The following UBE2G1 variants were observed in gnomAD, a reference collection of about 807,000 sequenced individuals.
The protein encoded by UBE2G1 is ubiquitin conjugating enzyme E2 G1, also known as ubiquitin-conjugating enzyme E2 G1.
UBE2G1 carries 5 observed loss-of-function variants against 22.7 expected under a neutral mutation model. That is an observed-to-expected ratio of 0.22 (90% CI 0.12 to 0.46). The LOEUF is 0.46. UBE2G1 is among the 20% of genes least tolerant of loss of function. The pLI is 0.99. For missense variants in UBE2G1, 88 were observed against 203.9 expected, an observed-to-expected ratio of 0.43 and a Z score of 3.46; for synonymous variants, 74 against 67.5, an observed-to-expected ratio of 1.10 and a Z score of -0.47.
In UBE2G1 at chr17:4,286,054, G is replaced by A. The variant is rs556715847; in HGVS notation, c.427-3133C>T. ...ATAGGTACTGCAGACTGAGAGGTCA[G>A]AAAATCAATACTATGAAAATATGAT... On this transcript the variant is annotated intron_variant, in intron 4 of 5. Coordinates refer to ENST00000396981, the MANE Select transcript of UBE2G1 (RefSeq NM_003342.5). Among the ~76,000 whole-genome samples the A allele has an allele frequency of 5.9e-5, 9 of 152,078 alleles. No individual in the cohort carries two copies. The South Asian group carries it at 1.9e-3, about 32-fold the overall frequency.
At chr17:4,356,049 TAAAA>T (rs746982860) in intron 1 of UBE2G1, among the ~76,000 whole-genome samples, 24 of 99,084 alleles carry the variant, frequency 2.4e-4, no homozygotes, top group African/African-American at 8.5e-4. Context: ...TGTTTCACTT[TAAAA>T]AAAAAAAAAA....
At chr17:4,289,553 T>C in intron 3 of UBE2G1, 145 bp from the exon 4 acceptor site, 2 of 917,628 alleles carry the variant, frequency 2.2e-6, no homozygotes, top group Non-Finnish European at 3.1e-6. Context: ...ATGCAATGTG[T>C]TGACTTTTTA....
At chr17:4,362,254 G>T (rs748183473) in intron 1 of UBE2G1, among the ~76,000 whole-genome samples, 1 of 152,120 alleles carries the variant, frequency 6.6e-6, no homozygotes, top group African/African-American at 2.4e-5. Context: ...CTGATTTCAT[G>T]AATCTGTTAG....
intron 1 of UBE2G1, among the ~76,000 whole-genome samples, chr17:4,320,818 A>G (rs971036427): frequency 5.9e-5 from 9 of 152,162 alleles, no homozygotes; most frequent in African/African-American, 2.2e-4. Context: ...ATGGCCACTT[A>G]GCATAGTCTG....
At chr17:4,275,256 T>A (rs185982296) in intron 5 of UBE2G1, among the ~76,000 whole-genome samples, 1 of 152,334 alleles carries the variant, frequency 6.6e-6, no homozygotes, top group Non-Finnish European at 1.5e-5. Flanking sequence ...AGACAAGGCC[T>A]CAGTACAGAA....
chr17:4,336,367 C>A (rs529092300), intron 1 of UBE2G1, among the ~76,000 whole-genome samples: 119 of 152,112 alleles, frequency 7.8e-4, no homozygotes, highest in South Asian at 5.4e-3. Context: ...TAGATAAAAG[C>A]ATACATAGCA....
intron 1 of UBE2G1, among the ~76,000 whole-genome samples, chr17:4,347,039 G>A (rs779606112): frequency 1.6e-4 from 25 of 152,092 alleles, no homozygotes; most frequent in Non-Finnish European, 2.4e-4. Context: ...TGTAATCTCA[G>A]CCACTCAGGA....
Position 4,321,131 on chromosome 17 carries a change from T to C in UBE2G1, c.47-14008A>G, listed in dbSNP as rs115326799. On this transcript the variant is annotated intron_variant, in intron 1 of 5. Coordinates refer to ENST00000396981, the MANE Select transcript of UBE2G1 (RefSeq NM_003342.5). ...CACCATGGCACTCCAGCCTGAACAA[T>C]AGAGGAAGACCCCATCTTAAAAAAA... Among the ~76,000 whole-genome samples the C allele has an allele frequency of 3.0e-3, 458 of 152,014 alleles. 2 individuals are homozygous for C. The highest frequency in any genetic ancestry group is 0.01 in the African/African-American group (418 of 41,466).
intron 5 of UBE2G1, among the ~76,000 whole-genome samples, chr17:4,276,193 C>G (rs972180219): frequency 6.6e-6 from 1 of 152,082 alleles, no homozygotes; most frequent in Non-Finnish European, 1.5e-5. Flanking sequence ...CTGAAGCCCC[C>G]CCGCCCTTTT....
chr17:4,298,342 GA>G (rs1002247433), intron 2 of UBE2G1, among the ~76,000 whole-genome samples: 2 of 152,068 alleles, frequency 1.3e-5, no homozygotes, highest in Non-Finnish European at 2.9e-5. Flanking sequence ...AAGAACAAGT[GA>G]AAAATTGGGG....
chr17:4,295,867 G>A (rs1056540770), intron 3 of UBE2G1, among the ~76,000 whole-genome samples: 1 of 149,436 alleles, frequency 6.7e-6, no homozygotes, highest in African/African-American at 2.5e-5. Flanking sequence ...CTGCCACCGT[G>A]TGGATTTGAA....
intron 1 of UBE2G1, among the ~76,000 whole-genome samples, chr17:4,317,939 CT>C (rs1969395909): frequency 6.6e-6 from 1 of 152,168 alleles, no homozygotes; most frequent in Non-Finnish European, 1.5e-5. Flanking sequence ...TTGATCTCGC[CT>C]ATTTTATAGA....
chr17:4,323,569 T>G, intron 1 of UBE2G1, among the ~76,000 whole-genome samples: 1 of 152,228 alleles, frequency 6.6e-6, no homozygotes, highest in East Asian at 1.9e-4. Flanking sequence ...CTAAGGAGAC[T>G]GGGCTGAGAG....
intron 4 of UBE2G1, among the ~76,000 whole-genome samples, chr17:4,284,838 C>CTTTT (rs1176508350): frequency 2.7e-4 from 6 of 22,314 alleles, no homozygotes; most frequent in African/African-American, 5.6e-4. Flanking sequence ...TCTTTTCTTT[C>CTTTT]TTTTTTTTTT....
rs1228919726 is a variant in UBE2G1 at position 4,291,345 on chromosome 17, C to T, written c.248-1937G>A. 3.8e-5 allele frequency among the ~76,000 whole-genome samples: 4 copies of T among 104,782 alleles called. No individual in the cohort carries two copies. In the East Asian group the frequency reaches 1.1e-3, roughly 28 times the overall value. The allele number at this position is 104,782 out of a possible 152,430, so 68.7% of individuals were successfully genotyped here. Reference sequence around the variant, plus strand: ...ACTGCAGTCTAGCCTGGGCAACGGGCGAAACTCCATCTCAAAAAAAAAAAA... The same window carrying T: ...ACTGCAGTCTAGCCTGGGCAACGGGTGAAACTCCATCTCAAAAAAAAAAAA... On this transcript the variant is annotated intron_variant, in intron 3 of 5. Transcript: ENST00000396981.
chr17:4,347,085 G>A (rs1377735818), intron 1 of UBE2G1, among the ~76,000 whole-genome samples: 5 of 151,958 alleles, frequency 3.3e-5, no homozygotes, highest in African/African-American at 9.7e-5. Context: ...CCCAGGAGGC[G>A]GAGGTTGCAG....
At chr17:4,284,356 T>C (rs1020100346) in intron 4 of UBE2G1, among the ~76,000 whole-genome samples, 3 of 151,910 alleles carry the variant, frequency 2.0e-5, no homozygotes, top group African/African-American at 7.3e-5. Context: ...CTCAGCACTT[T>C]GGGAGGCAGA....
chr17:4,279,724 G>A (rs1237964559), intron 5 of UBE2G1, among the ~76,000 whole-genome samples: 5 of 150,314 alleles, frequency 3.3e-5, no homozygotes, highest in East Asian at 1.9e-4. Context: ...GCAGTGAGCC[G>A]AGATTGCACC....
intron 1 of UBE2G1, among the ~76,000 whole-genome samples, chr17:4,363,390 C>T (rs1969990651): frequency 1.3e-5 from 2 of 152,106 alleles, no homozygotes; most frequent in Admixed American, 6.6e-5. Context: ...TTGTTCTCTC[C>T]TCTATCTTAA....
Sources: gnomAD v4.1 joint callset for allele counts (sites outside exome capture counted in the v4.1 genomes callset) on GRCh38, gnomAD v4.1.1 for gene constraint, MANE v1.5 for transcripts, NCBI Gene and HGNC (gene_info 2026-07-23, HGNC 2026-07-21) for gene names.